Variants in SCN4A observed in about 807,000 individuals in gnomAD.
The protein encoded by SCN4A is sodium voltage-gated channel alpha subunit 4.
SCN4A carries 83 observed loss-of-function variants against 162.0 expected under a neutral mutation model. That is an observed-to-expected ratio of 0.51 (90% CI 0.43 to 0.61). The LOEUF (loss-of-function observed/expected upper bound fraction) is 0.61. Among genes scored for constraint, SCN4A ranks in the 20% least tolerant of loss-of-function variants. The pLI is 0.00. For synonymous variants in SCN4A, 944 were observed against 985.1 expected (o/e 0.96, Z 0.78); for missense variants, 2,196 against 2,462.5 (o/e 0.89, Z 2.29).
intron 17 of SCN4A, among the ~76,000 whole-genome samples, 181 bp downstream of exon 17, chr17:63,947,709 G>C (rs1908769545): frequency 6.6e-6 from 1 of 152,240 alleles, no homozygotes; most frequent in Admixed American, 6.5e-5. Flanking sequence ...GAGAAGGGAA[G>C]GCCTCCCAGT....
intron 16 of SCN4A, among the ~76,000 whole-genome samples, 171 bp downstream of exon 16, chr17:63,948,440 G>A (rs1435265018): frequency 2.0e-5 from 3 of 152,168 alleles, no homozygotes; most frequent in Non-Finnish European, 4.4e-5. Context: ...ATGTTAGAAA[G>A]TCAGCACATC....
chr17:63,942,769 G>T lies in SCN4A; in HGVS notation c.4288+57C>A. ...GGCAGGTGTGTCCGTGTGAGGATGG[G>T]TCTTCCCGAGTGCCTCAGCTCAGTG... On this transcript the variant is annotated intron_variant, in intron 23 of 23. Transcript: ENST00000435607. The T allele has an allele frequency of 3.2e-6, 5 of 1,550,852 alleles. 1 individual carries two copies. The highest frequency in any genetic ancestry group is 2.6e-6 in the Non-Finnish European group (3 of 1,140,500).
chr17:63,948,208 C>T (rs1488149714), intron 16 of SCN4A, 145 bp from the exon 17 acceptor site: 1 of 606,888 alleles, frequency 1.6e-6, no homozygotes, highest in Non-Finnish European at 2.8e-6. Context: ...ATCTCCTGGA[C>T]TCCCACCACC....
In SCN4A at chr17:63,964,627, G is replaced by T. The variant is rs753010557; in HGVS notation, c.1293C>A (p.Ile431=). 6 of 1,613,090 alleles carry T rather than the reference G, an allele frequency of 3.7e-6. No homozygotes were observed. The highest frequency in any genetic ancestry group is 5.1e-6 in the Non-Finnish European group (6 of 1,179,638). The change falls in exon 9 of 24, where the codon ATC becomes ATA. Residue 431 remains isoleucine (I), a synonymous_variant. Coordinates refer to ENST00000435607, the MANE Select transcript of SCN4A (RefSeq NM_000334.4). ...KTYMIFFVVI[I]FLGSFYLINL... is the part of the protein sequence containing the mutation. ...TGATGAGGTAGAAAGAGCCCAGGAA[G>T]ATGATGACCACGAAGAAGATCATGT...
chr17:63,967,416 G>T (rs1024583199), intron 6 of SCN4A, among the ~76,000 whole-genome samples: 1 of 152,086 alleles, frequency 6.6e-6, no homozygotes, highest in Non-Finnish European at 1.5e-5. Flanking sequence ...CCCTCCCAAA[G>T]TGCTGGGATT....
chr17:63,956,439 G>A (rs561141451), intron 13 of SCN4A, among the ~76,000 whole-genome samples: 1 of 152,200 alleles, frequency 6.6e-6, no homozygotes, highest in South Asian at 2.1e-4. Context: ...GTAGAGATAA[G>A]AGTGTCTTGC....
Position 63,964,676 on chromosome 17 carries a change from G to T in SCN4A, c.1244C>A (p.Thr415Asn). 1 of 1,603,168 alleles carries T rather than the reference G, an allele frequency of 6.2e-7. No homozygotes were observed. Among genetic ancestry groups the T allele is most frequent in the Non-Finnish European group, 8.5e-7 (1 of 1,175,544 alleles). ...GTAGGTCTTGCCAGCTGCTCGAAGG[G>T]TCTGGGAGTGGAGGGAGAGGGAGTG... ...QDYWENLFQL[T>N]LRAAGKTYMI... is the part of the protein sequence containing the mutation. Residue 415 changes from threonine (T) to asparagine (N), a missense_variant and splice_region_variant, in exon 9 of 24, where the codon ACC becomes AAC. Thr to Asn is a moderately conservative substitution (Grantham distance 65). Coordinates refer to ENST00000435607, the MANE Select transcript of SCN4A (RefSeq NM_000334.4).
chr17:63,943,103 C>T lies in SCN4A; in HGVS notation c.4018-7G>A. On this transcript the variant is annotated splice_region_variant and splice_polypyrimidine_tract_variant and intron_variant, in intron 22 of 23. Transcript: ENST00000435607. ...CCATGCCCTGGATCTTGTTCTGCAG[C>T]ATGGGTGGGAGTGGATGTGGAGGAG... The T allele has an allele frequency of 6.2e-7, 1 of 1,606,326 alleles. No individual in the cohort carries two copies. Among genetic ancestry groups the T allele is most frequent in the East Asian group, 2.2e-5 (1 of 44,726 alleles).
rs1459376710 is a variant in SCN4A, at chr17:63,950,167, G to A, written c.2854-639C>T. On this transcript the variant is annotated intron_variant, in intron 14 of 23. Transcript: ENST00000435607. The surrounding 1 kb of genome is among the most constrained non-coding windows in gnomAD (Gnocchi z 4.6). ...AGCTTCCCGGCCCCAGACTCCACCC[G>A]GCAGGGGACCCCTTCAAGGCTGAGG... 5.9e-5 allele frequency among the ~76,000 whole-genome samples: 9 copies of A among 152,144 alleles called. No individual in the cohort carries two copies. Among genetic ancestry groups the A allele is most frequent in the Non-Finnish European group, 1.2e-4 (8 of 68,016 alleles).
chr17:63,943,194 C>G, intron 22 of SCN4A, 98 bp from the exon 23 acceptor site: 1 of 1,052,684 alleles, frequency 9.5e-7, no homozygotes, highest in South Asian at 1.5e-5. Context: ...CACAGCATGA[C>G]AGAGATGACA....
rs551182184 is a variant in SCN4A, at chr17:63,942,260, TGTGTGTGTGTGTG to T, written c.4289-280_4289-268del. 0.12 allele frequency among the ~76,000 whole-genome samples: 8,322 copies of T among 70,306 alleles called. 790 individuals carry two copies. Among genetic ancestry groups the T allele is most frequent in the African/African-American group, 0.28 (7,819 of 27,538 alleles). 46.1% of individuals were successfully genotyped at this position (70,306 alleles called of 152,430 possible). On this transcript the variant is annotated intron_variant, in intron 23 of 23. Coordinates refer to ENST00000435607, the MANE Select transcript of SCN4A (RefSeq NM_000334.4). ...CAAGGCTGTTTGCAAATGCCACTGG[TGTGTGTGTGTGTG>T]TGTGTGTGTGTGTGTGTGTGTGAAA...
In SCN4A at chr17:63,972,365, C is replaced by T. The variant is rs369830835; in HGVS notation, c.379G>A (p.Val127Met). The T allele has an allele frequency of 3.1e-6, 5 of 1,613,854 alleles. No individual in the cohort carries two copies. Among genetic ancestry groups the T allele is most frequent in the Non-Finnish European group, 3.4e-6 (4 of 1,179,818 alleles). Residue 127 changes from valine (V) to methionine (M), a missense_variant, in exon 2 of 24, where the codon GTG becomes ATG. Transcript: ENST00000435607. The surrounding 1 kb of genome is among the most constrained non-coding windows in gnomAD (Gnocchi z 4.3). Reference protein sequence around the residue: ...FSVVRRGAIKVLIHALFSMFI... With the variant: ...FSVVRRGAIKMLIHALFSMFI... ...TGGGCAGGATATGCATGGATGAGCA[C>T]CTTGATGGCCCCGCGCCTGACTACG...
rs185606266 is a variant in SCN4A at position 63,970,168 on chromosome 17, G to C, written c.703+994C>G. Among the ~76,000 whole-genome samples the C allele has an allele frequency of 2.2e-3, 342 of 152,258 alleles. 2 individuals are homozygous for C. The highest frequency in any genetic ancestry group is 7.6e-3 in the African/African-American group (314 of 41,534). On this transcript the variant is annotated intron_variant, in intron 5 of 23. Transcript: ENST00000435607. ...AGGTGCCTGGTGTGTTCCTAATTGAGCTCTCAGAGCTTGGACTTTTCCTCA... is the reference window on the plus strand; with the variant it reads ...AGGTGCCTGGTGTGTTCCTAATTGACCTCTCAGAGCTTGGACTTTTCCTCA...
At position 63,948,728 on chromosome 17, in the gene SCN4A, G is replaced by C; in HGVS notation, c.3027C>G (p.Ile1009Met). 6.2e-7 allele frequency: 1 copy of C among 1,613,054 alleles called. No individual in the cohort carries two copies. The highest frequency in any genetic ancestry group is 8.5e-7 in the Non-Finnish European group (1 of 1,179,454). ...VQRWPCLYVD[I>M]SQGRGKKWWT... ...ACCACTTCTTCCCACGGCCCTGGGA[G>C]ATGTCCACGTAGAGGCAGGGCCAGC... The change falls in exon 16 of 24, where the codon ATC becomes ATG. Residue 1009 changes from isoleucine to methionine, a missense_variant. Transcript: ENST00000435607.
Position 63,961,177 on chromosome 17 carries a change from C to CCCCCCCCCCCCCTCAACT in SCN4A, c.1845+15_1845+16insAGTTGAGGGGGGGGGGGG. On this transcript the variant is annotated intron_variant, in intron 11 of 23. Transcript: ENST00000435607. ...CATCCTGCCCATGAATGATCCCCTC[C>CCCCCCCCCCCCCTCAACT]CCCGCCCCTCCCTACCAGGTTGCCC... The CCCCCCCCCCCCCTCAACT allele has an allele frequency of 8.7e-7, 1 of 1,146,430 alleles. No individual in the cohort carries two copies. Among genetic ancestry groups the CCCCCCCCCCCCCTCAACT allele is most frequent in the Non-Finnish European group, 1.3e-6 (1 of 772,780 alleles). 71.0% of individuals were successfully genotyped at this position (1,146,430 alleles called of 1,614,324 possible).
intron 11 of SCN4A, among the ~76,000 whole-genome samples, chr17:63,960,538 T>C (rs1330164487): frequency 6.6e-6 from 1 of 151,974 alleles, no homozygotes; most frequent in Middle Eastern, 3.2e-3. Context: ...GCAAAGGGAA[T>C]TGGGAAGGGT....
At position 63,971,270 on chromosome 17, in the gene SCN4A, G is replaced by A. The variant is rs1445520678; in HGVS notation, c.612-17C>T. On this transcript the variant is annotated splice_polypyrimidine_tract_variant and intron_variant, in intron 4 of 23. Transcript: ENST00000435607. ...GTCAGGTACCTGGGTAGGGGGTGGAGGGGGGTGGGGACTGTCAGAGCCTGG... is the reference window on the plus strand; with the variant it reads ...GTCAGGTACCTGGGTAGGGGGTGGAAGGGGGTGGGGACTGTCAGAGCCTGG... The A allele has an allele frequency of 3.5e-6, 5 of 1,421,588 alleles. No homozygotes were observed. The highest frequency in any genetic ancestry group is 4.8e-6 in the Non-Finnish European group (5 of 1,031,844). 88.1% of individuals were successfully genotyped at this position (1,421,588 alleles called of 1,614,324 possible).
Position 63,940,668 on chromosome 17 carries a change from C to T in SCN4A, c.*103G>A. 1.4e-6 allele frequency: 2 copies of T among 1,390,184 alleles called. No individual in the cohort carries two copies. Among genetic ancestry groups the T allele is most frequent in the Non-Finnish European group, 1.9e-6 (2 of 1,034,878 alleles). The allele number at this position is 1,390,184 out of a possible 1,614,324, so 86.1% of individuals were successfully genotyped here. Reference sequence around the variant, plus strand: ...CTGTCCCCCATCAGGGAGCCAGGCACAGTCCCAGATTCAAAGCCCTCCTCC... The same window carrying T: ...CTGTCCCCCATCAGGGAGCCAGGCATAGTCCCAGATTCAAAGCCCTCCTCC... On this transcript the variant is annotated 3_prime_UTR_variant, in exon 24 of 24. Coordinates refer to ENST00000435607, the MANE Select transcript of SCN4A (RefSeq NM_000334.4).
Position 63,972,114 on chromosome 17 carries a change from C to T in SCN4A, c.482+22G>A, listed in dbSNP as rs1343450345. On this transcript the variant is annotated intron_variant, in intron 3 of 23. Transcript: ENST00000435607. This position sits in a 1 kb window ranked among gnomAD's most constrained non-coding sequence, Gnocchi z 4.3. Reference sequence around the variant, plus strand: ...TGGGCTGTGTCCCAGGGCTGGGGAGCTCAGGGAGCAGGGAGACTTACTCCA... The same window carrying T: ...TGGGCTGTGTCCCAGGGCTGGGGAGTTCAGGGAGCAGGGAGACTTACTCCA... 1 of 1,585,456 alleles carries T rather than the reference C, an allele frequency of 6.3e-7. No individual in the cohort carries two copies. The highest frequency in any genetic ancestry group is 1.3e-5 in the African/African-American group (1 of 74,352).
Sources: allele counts gnomAD v4.1 joint callset (sites outside exome capture counted in the v4.1 genomes callset), GRCh38; gene constraint gnomAD v4.1.1; non-coding constraint Gnocchi (gnomAD v3.1); transcripts MANE v1.5; gene names NCBI Gene and HGNC (gene_info 2026-07-23, HGNC 2026-07-21).